Variants in USP49 observed in about 807,000 individuals in gnomAD.
USP49 encodes the protein ubiquitin specific peptidase 49.
USP49 carries 24 observed loss-of-function variants against 58.6 expected under a neutral mutation model. The ratio of observed to expected loss-of-function variants is 0.41; its 90% CI spans 0.30 to 0.58. The LOEUF is 0.58. Ranked by LOEUF, USP49 falls within the 20% of genes least tolerant of loss-of-function variation. The pLI, the probability that USP49 is intolerant of heterozygous loss-of-function variation, is 0.30. For missense variants in USP49, 703 were observed against 866.1 expected (o/e 0.81, Z 2.36); for synonymous variants, 408 against 365.1 (o/e 1.12, Z -1.34).
chr6:41,874,662 G>T (rs1000296791), intron 2 of USP49, among the ~76,000 whole-genome samples: 2 of 152,146 alleles, frequency 1.3e-5, no homozygotes, highest in Admixed American at 6.6e-5. Flanking sequence ...CCAGGTTTCT[G>T]CTCTTCGGAA....
At chr6:41,894,694 A>G (rs1011693569) in intron 1 of USP49, among the ~76,000 whole-genome samples, 1 of 150,886 alleles carries the variant, frequency 6.6e-6, no homozygotes, top group Non-Finnish European at 1.5e-5. Context: ...ACCACCCGCT[A>G]CGAAGATTTC....
At chr6:41,814,179 C>T (rs1410349064) in intron 3 of USP49, among the ~76,000 whole-genome samples, 1 of 152,144 alleles carries the variant, frequency 6.6e-6, no homozygotes, top group Non-Finnish European at 1.5e-5. Flanking sequence ...AGATCAGCAG[C>T]TTTAAATAAA....
At chr6:41,837,973 G>C (rs1474462485) in intron 3 of USP49, among the ~76,000 whole-genome samples, 1 of 152,184 alleles carries the variant, frequency 6.6e-6, no homozygotes, top group Non-Finnish European at 1.5e-5. Context: ...CAAAGATGTG[G>C]AGAAAAGGGA....
intron 3 of USP49, among the ~76,000 whole-genome samples, chr6:41,813,410 A>C (rs979168914): frequency 6.6e-6 from 1 of 152,182 alleles, no homozygotes; most frequent in Admixed American, 6.5e-5. Flanking sequence ...GAATATAGCA[A>C]CACCACACCC....
chr6:41,871,756 A>G (rs1487474758), intron 2 of USP49, 119 bp from the exon 3 acceptor site: 1 of 147,796 alleles, frequency 6.8e-6, no homozygotes, highest in East Asian at 2.0e-4. Context: ...TAAACTCCCT[A>G]CAAGTCCTTA....
chr6:41,861,978 AG>A (rs1190348406), intron 3 of USP49, among the ~76,000 whole-genome samples: 8 of 152,230 alleles, frequency 5.3e-5, no homozygotes, highest in Non-Finnish European at 1.0e-4. Context: ...CTGGGATTAC[AG>A]GCATGAGCCA....
At chr6:41,836,982 C>T (rs1467183613) in intron 3 of USP49, among the ~76,000 whole-genome samples, 3 of 152,096 alleles carry the variant, frequency 2.0e-5, no homozygotes, top group African/African-American at 7.2e-5. Flanking sequence ...TGGAAAAATA[C>T]TCTATGCTCA....
chr6:41,867,836 A>G lies in USP49; in HGVS notation c.-29+3728T>C, dbSNP rs114139849. On this transcript the variant is annotated intron_variant, in intron 3 of 7. Transcript: ENST00000682992. ...AGTTAGGTGATTTCTATCTACTATA[A>G]ATGATTCATAATGAAGCAAAACAGC... 9.7e-3 allele frequency among the ~76,000 whole-genome samples: 1,483 copies of G among 152,304 alleles called. 23 individuals are homozygous for G. Among genetic ancestry groups the G allele is most frequent in the African/African-American group, 0.032 (1,313 of 41,570 alleles).
intron 3 of USP49, among the ~76,000 whole-genome samples, chr6:41,857,035 A>T (rs1293938751): frequency 6.6e-6 from 1 of 152,174 alleles, no homozygotes. Flanking sequence ...CCTATTGTTC[A>T]TGGAGTTTCC....
At position 41,803,781 on chromosome 6, in the gene USP49, G is replaced by GC; in HGVS notation, c.1561+24dup. 1 of 1,610,698 alleles carries GC rather than the reference G, an allele frequency of 6.2e-7. No individual in the cohort carries two copies. Among genetic ancestry groups the GC allele is most frequent in the Non-Finnish European group, 8.5e-7 (1 of 1,177,180 alleles). ...TATTCCAATTATTCTTCCCCACTACGCCCCCTCCTCCACACAGCACTCACT... is the reference window on the plus strand; with the variant it reads ...TATTCCAATTATTCTTCCCCACTACGCCCCCCTCCTCCACACAGCACTCACT... On this transcript the variant is annotated intron_variant, in intron 5 of 7. Coordinates refer to ENST00000682992, the MANE Select transcript of USP49 (RefSeq NM_001286554.2). The surrounding 1 kb of genome is among the most constrained non-coding windows in gnomAD (Gnocchi z 4.1).
chr6:41,883,322 C>T (rs1300096117), intron 2 of USP49, among the ~76,000 whole-genome samples: 1 of 145,914 alleles, frequency 6.9e-6, no homozygotes. Context: ...CCACTGCACT[C>T]CAGCCTGGGA....
intron 3 of USP49, among the ~76,000 whole-genome samples, chr6:41,837,212 C>T (rs1268050957): frequency 6.6e-6 from 1 of 152,168 alleles, no homozygotes; most frequent in Non-Finnish European, 1.5e-5. Flanking sequence ...TCAAACTATA[C>T]TTTAAGGCTA....
At chr6:41,845,058 G>A (rs924808764) in intron 3 of USP49, among the ~76,000 whole-genome samples, 1 of 151,932 alleles carries the variant, frequency 6.6e-6, no homozygotes, top group African/African-American at 2.4e-5. Flanking sequence ...ACGCCACTAC[G>A]CCCGGCTAAT....
chr6:41,807,520 A>C (rs1043749738), intron 3 of USP49, among the ~76,000 whole-genome samples: 2 of 152,116 alleles, frequency 1.3e-5, no homozygotes, highest in Non-Finnish European at 2.9e-5. Flanking sequence ...AGCTCATTGC[A>C]ACCTCCACCT....
chr6:41,815,544 G>A (rs1460168783), intron 3 of USP49, among the ~76,000 whole-genome samples: 1 of 152,164 alleles, frequency 6.6e-6, no homozygotes, highest in Non-Finnish European at 1.5e-5. Flanking sequence ...TGTCCTCACA[G>A]GCTGCTGCAT....
intron 3 of USP49, among the ~76,000 whole-genome samples, chr6:41,808,272 T>G (rs1046265470): frequency 1.2e-4 from 19 of 152,270 alleles, no homozygotes; most frequent in African/African-American, 4.3e-4. Context: ...TTCCAGCTGA[T>G]ATATATGAAA....
intron 3 of USP49, among the ~76,000 whole-genome samples, chr6:41,867,181 C>T (rs1774333239): frequency 6.6e-6 from 1 of 152,186 alleles, no homozygotes; most frequent in Admixed American, 6.5e-5. Context: ...CCTCCTAGTT[C>T]CTATATAAAT....
intron 3 of USP49, 63 bp from the exon 4 acceptor site, chr6:41,807,074 C>T (rs72867130): frequency 3.5e-4 from 406 of 1,146,702 alleles, no homozygotes; most frequent in Non-Finnish European, 4.3e-4. Flanking sequence ...AAAATATTTT[C>T]CTTAAAAAAA....
In USP49 at chr6:41,838,905, T is replaced by G. The variant is rs377712708; in HGVS notation, c.-28-31894A>C. 1.4e-4 allele frequency among the ~76,000 whole-genome samples: 22 copies of G among 152,246 alleles called. No homozygotes were observed. The East Asian group carries it at 3.7e-3, about 25-fold the overall frequency. ...CTCTCAGACCACAGTGGAATAAAAC[T>G]GGAAATTAACTCCAAAAGGAACGCT... On this transcript the variant is annotated intron_variant, in intron 3 of 7. Transcript: ENST00000682992.
Sources: gnomAD v4.1 joint callset for allele counts (sites outside exome capture counted in the v4.1 genomes callset) on GRCh38, gnomAD v4.1.1 for gene constraint, Gnocchi (gnomAD v3.1) non-coding constraint, MANE v1.5 for transcripts, NCBI Gene and HGNC (gene_info 2026-07-23, HGNC 2026-07-21) for gene names.